The following KIAA2012 variants were observed in gnomAD, a reference collection of about 807,000 sequenced individuals.
KIAA2012 encodes KIAA2012.
A neutral mutation model predicts 150.6 loss-of-function variants in KIAA2012; 125 were observed. That is an observed-to-expected ratio of 0.83 (90% CI 0.72 to 0.96). The LOEUF is 0.96. KIAA2012 is among the 40% of genes least tolerant of loss of function. The pLI is 0.00. For synonymous variants in KIAA2012, 462 were observed against 504.7 expected (o/e 0.92, Z 1.13); for missense variants, 1,219 against 1,354.9 (o/e 0.90, Z 1.57).
chr2:202,200,686 C>T (rs984487715), intron 22 of KIAA2012, among the ~76,000 whole-genome samples: 3 of 149,198 alleles, frequency 2.0e-5, no homozygotes, highest in African/African-American at 7.4e-5. Flanking sequence ...AGATTAAAGA[C>T]CAATCAGAAT....
chr2:202,106,692 A>T (rs116444800), intron 9 of KIAA2012, among the ~76,000 whole-genome samples: 11,400 of 129,930 alleles, frequency 0.088, 707 homozygotes, highest in East Asian at 0.33. Flanking sequence ...GTCTAAAAAT[A>T]AAAAAAAAAA....
rs539816211 is a variant in KIAA2012, at chr2:202,096,051, T to A, written c.686-1384T>A. Among the ~76,000 whole-genome samples the A allele has an allele frequency of 2.4e-4, 37 of 152,148 alleles. 1 individual carries two copies. The South Asian group carries it at 5.2e-3, about 21-fold the overall frequency. On this transcript the variant is annotated intron_variant, in intron 4 of 23. Transcript: ENST00000498697. ...GTGAGCCAAGATCATGCCACTGCAC[T>A]CCAGCCTGGGCAACAGAGTGAGACT...
rs1236036045 is a variant in KIAA2012 at position 202,190,217 on chromosome 2, A to G, written c.2535A>G (p.Lys845=). The G allele has an allele frequency of 1.3e-6, 2 of 1,522,270 alleles. No individual in the cohort carries two copies. Among genetic ancestry groups the G allele is most frequent in the South Asian group, 2.6e-5 (2 of 77,820 alleles). The allele number at this position is 1,522,270 out of a possible 1,614,324, so 94.3% of individuals were successfully genotyped here. The stretch of plus-strand genomic sequence containing the variant: ...AGGCTAAAAAAAAATTAGAAAAAAA[A>G]ACAAGACCCCAAAGGAAAAGGACAC... ...DSKAKKKLEK[K]TRPQRKRTQK... The change falls in exon 19 of 24, where the codon AAA becomes AAG. Residue 845 remains lysine (K), a synonymous_variant. Transcript: ENST00000498697.
intron 12 of KIAA2012, among the ~76,000 whole-genome samples, chr2:202,128,232 C>A (rs1690844287): frequency 6.6e-6 from 1 of 152,154 alleles, no homozygotes; most frequent in Admixed American, 6.5e-5. Context: ...TGTCCACTGA[C>A]TAGACTTTTC....
chr2:202,120,210 T>C (rs1264099597), intron 11 of KIAA2012, among the ~76,000 whole-genome samples: 1 of 152,200 alleles, frequency 6.6e-6, no homozygotes, highest in Non-Finnish European at 1.5e-5. Context: ...ATCCCGTCTC[T>C]GCAAAAACTT....
intron 14 of KIAA2012, among the ~76,000 whole-genome samples, chr2:202,158,569 C>A (rs936958556): frequency 1.3e-4 from 20 of 151,988 alleles, no homozygotes; most frequent in Admixed American, 1.2e-3. Flanking sequence ...ACCATGTTGG[C>A]CAGGCTGGTC....
intron 23 of KIAA2012, among the ~76,000 whole-genome samples, chr2:202,204,787 A>C (rs1692610255): frequency 6.6e-6 from 1 of 152,200 alleles, no homozygotes; most frequent in African/African-American, 2.4e-5. Context: ...TATCAGTCAT[A>C]CTGAACTTAA....
Position 202,105,900 on chromosome 2 carries a change from C to T in KIAA2012, c.1464C>T (p.Leu488=), listed in dbSNP as rs1005001859. The T allele has an allele frequency of 2.6e-6, 4 of 1,550,828 alleles. No homozygotes were observed. In the African/African-American group the frequency reaches 5.5e-5, roughly 21 times the overall value. Residue 488 remains leucine (L), a synonymous_variant, in exon 9 of 24, where the codon CTC becomes CTT. Coordinates refer to ENST00000498697, the MANE Select transcript of KIAA2012 (RefSeq NM_001277372.4). ...HLPVDASRDT[L]SPQDDDAPPH... ...CAGTGGACGCGAGCAGGGACACACT[C>T]TCACCTCAAGGTAGCTCCTCCCTCC...
intron 15 of KIAA2012, among the ~76,000 whole-genome samples, chr2:202,180,804 G>C (rs948324759): frequency 6.6e-6 from 1 of 152,138 alleles, no homozygotes; most frequent in African/African-American, 2.4e-5. Flanking sequence ...CAGCCTGGGC[G>C]ACAGAGCGAG....
intron 2 of KIAA2012, among the ~76,000 whole-genome samples, chr2:202,080,400 A>C (rs186687993): frequency 6.6e-6 from 1 of 152,308 alleles, no homozygotes; most frequent in East Asian, 1.9e-4. Context: ...GAATATTTAT[A>C]ACAATGACTG....
chr2:202,189,559 G>T (rs1559233276), intron 18 of KIAA2012, among the ~76,000 whole-genome samples: 1 of 151,920 alleles, frequency 6.6e-6, no homozygotes, highest in Admixed American at 6.6e-5. Context: ...CAAAGTGCTG[G>T]GATTACAAGT....
At chr2:202,188,075 T>G in intron 17 of KIAA2012, 77 bp from the exon 18 acceptor site, 1 of 1,212,802 alleles carries the variant, frequency 8.2e-7, no homozygotes, top group Non-Finnish European at 1.2e-6. Context: ...GTCACCTTGT[T>G]CAACATAATC....
chr2:202,118,147 A>G (rs1047113867), intron 11 of KIAA2012, among the ~76,000 whole-genome samples: 1 of 152,090 alleles, frequency 6.6e-6, no homozygotes, highest in Non-Finnish European at 1.5e-5. Context: ...TCCACAATCC[A>G]TCCATCTCTG....
In KIAA2012 at chr2:202,078,917, C is replaced by T. The variant is rs188162144; in HGVS notation, c.369+3742C>T. Among the ~76,000 whole-genome samples the T allele has an allele frequency of 2.5e-3, 384 of 152,008 alleles. 8 individuals carry two copies. The highest frequency in any genetic ancestry group is 0.025 in the Admixed American group (374 of 15,256). ...TGTTTTTAAAAAAGTGATTATTGAC[C>T]GGGTGTGGTGGCTCACACCTGTAAT... On this transcript the variant is annotated intron_variant, in intron 2 of 23. Transcript: ENST00000498697.
chr2:202,100,272 A>G (rs1461382505), intron 6 of KIAA2012, 35 bp from the exon 7 acceptor site: 2 of 1,537,434 alleles, frequency 1.3e-6, no homozygotes, highest in Non-Finnish European at 1.8e-6. Flanking sequence ...CCTACCTGCA[A>G]TTAATATATT....
intron 23 of KIAA2012, among the ~76,000 whole-genome samples, chr2:202,202,997 A>G (rs1239979595): frequency 6.6e-6 from 1 of 151,874 alleles, no homozygotes; most frequent in Admixed American, 6.6e-5. Flanking sequence ...CTTAACCTCA[A>G]CCCACACCTA....
rs1690010815 is a variant in KIAA2012, at chr2:202,100,370, C to T, written c.1076C>T (p.Ala359Val). 1.9e-6 allele frequency: 3 copies of T among 1,550,496 alleles called. No homozygotes were observed. Among genetic ancestry groups the T allele is most frequent in the Non-Finnish European group, 2.6e-6 (3 of 1,146,978 alleles). Residue 359 changes from alanine (A) to valine (V), a missense_variant, in exon 7 of 24, where the codon GCT (alanine) becomes GTT (valine). Transcript: ENST00000498697. ...RSSHLLQVLPAERSLFPPVAS... is the reference protein window; with the variant it reads ...RSSHLLQVLPVERSLFPPVAS... ...AGCCACTTGTTACAGGTGCTTCCTG[C>T]TGAAAGAAGCCTCTTCCCTCCTGTA...
intron 11 of KIAA2012, among the ~76,000 whole-genome samples, chr2:202,123,928 CCT>C (rs1416462449): frequency 6.6e-6 from 1 of 152,168 alleles, no homozygotes; most frequent in Non-Finnish European, 1.5e-5. Flanking sequence ...GTGGCTCACA[CCT>C]GTTATCCCAG....
chr2:202,125,205 G>C lies in KIAA2012; in HGVS notation c.1763-9G>C, dbSNP rs1325681844. 6.5e-7 allele frequency: 1 copy of C among 1,548,808 alleles called. No homozygotes were observed. Among genetic ancestry groups the C allele is most frequent in the East Asian group, 2.4e-5 (1 of 40,910 alleles). On this transcript the variant is annotated splice_polypyrimidine_tract_variant and intron_variant, in intron 11 of 23. Transcript: ENST00000498697. ...CCGCTCTCAGGTAAAATATCTTACT[G>C]TTTTTCAGCCTATGAATCTGTCAAT...
Sources: gnomAD v4.1 joint callset for allele counts (sites outside exome capture counted in the v4.1 genomes callset) on GRCh38, gnomAD v4.1.1 for gene constraint, MANE v1.5 for transcripts, NCBI Gene and HGNC (gene_info 2026-07-23, HGNC 2026-07-21) for gene names.